The following NELL2 variants were observed in gnomAD, a reference collection of about 807,000 sequenced individuals.
NELL2 encodes protein kinase C-binding protein NELL2.
Under a neutral mutation model 109.6 loss-of-function variants are expected in NELL2, and 41 were observed. The ratio of observed to expected loss-of-function variants is 0.37; its 90% CI spans 0.29 to 0.49. The LOEUF (loss-of-function observed/expected upper bound fraction) is 0.49. Among genes scored for constraint, NELL2 ranks in the 20% least tolerant of loss-of-function variants. NELL2 has a pLI of 0.98. For missense variants in NELL2, 900 were observed against 1,008.3 expected (o/e 0.89, Z 1.45); for synonymous variants, 355 against 344.7 (o/e 1.03, Z -0.33).
At position 44,863,882 on chromosome 12, in the gene NELL2, A is replaced by G. The variant is rs1944912147; in HGVS notation, c.184+11343T>C. Among the ~76,000 whole-genome samples the G allele has an allele frequency of 3.3e-5, 5 of 152,210 alleles. No individual in the cohort carries two copies. In the South Asian group the frequency reaches 1.0e-3, roughly 31 times the overall value. On this transcript the variant is annotated intron_variant, in intron 2 of 19. Coordinates refer to ENST00000429094, the MANE Select transcript of NELL2 (RefSeq NM_001145108.2). ...TTTATGAAGGAATACATGATATAAA[A>G]AGATGCAAACGGTGCATTAAAAAAT...
At chr12:44,648,727 A>AT (rs1947184930) in intron 13 of NELL2, among the ~76,000 whole-genome samples, 1 of 101,836 alleles carries the variant, frequency 9.8e-6, no homozygotes, top group African/African-American at 5.4e-5. Context: ...ATATATATAT[A>AT]TATATTTTTT....
chr12:44,524,089 A>G (rs1941661656), intron 16 of NELL2, among the ~76,000 whole-genome samples: 1 of 152,170 alleles, frequency 6.6e-6, no homozygotes, highest in Non-Finnish European at 1.5e-5. Context: ...AGGGCAAATA[A>G]TAATCAGCAA....
chr12:44,813,363 TATG>T (rs1943240806), intron 3 of NELL2, among the ~76,000 whole-genome samples: 1 of 152,184 alleles, frequency 6.6e-6, no homozygotes, highest in African/African-American at 2.4e-5. Context: ...ATATCTCAAA[TATG>T]ATATTTGTTC....
chr12:44,876,947 G>T, upstream of NELL2: 1 of 1,192,512 alleles, frequency 8.4e-7, no homozygotes, highest in Non-Finnish European at 1.1e-6. Context: ...CCCCGGCGCG[G>T]AGAGCTTCCC....
intron 12 of NELL2, among the ~76,000 whole-genome samples, chr12:44,678,097 C>A (rs1334817575): frequency 6.6e-6 from 1 of 151,894 alleles, no homozygotes; most frequent in Non-Finnish European, 1.5e-5. Context: ...AAATGGATAC[C>A]TGGGGGACTT....
chr12:44,837,310 T>A (rs905513121), intron 2 of NELL2, among the ~76,000 whole-genome samples: 1 of 152,210 alleles, frequency 6.6e-6, no homozygotes, highest in African/African-American at 2.4e-5. Context: ...TCTGTGTATA[T>A]CACGTGATGT....
At chr12:44,563,537 G>T (rs766354484) in intron 15 of NELL2, among the ~76,000 whole-genome samples, 1 of 152,054 alleles carries the variant, frequency 6.6e-6, no homozygotes, top group East Asian at 1.9e-4. Context: ...GGGTGGCACC[G>T]CTTAGCTAAA....
In NELL2 at chr12:44,888,840, TAAAA is replaced by T. The variant is rs557017618; in HGVS notation, c.39-12944_39-12941del. 3.4e-5 allele frequency among the ~76,000 whole-genome samples: 5 copies of T among 148,748 alleles called. 1 individual carries two copies. In the South Asian group the frequency reaches 8.4e-4, roughly 25 times the overall value. On this transcript the variant is annotated intron_variant, in intron 1 of 20. Transcript: ENST00000333837. The stretch of plus-strand genomic sequence containing the variant: ...GAATCATGATACAACTGCCATAAAA[TAAAA>T]AAAAAATAAATAAATAAATAAGAGA...
rs1487789401 is a variant in NELL2 at position 44,728,088 on chromosome 12, C to T, written c.995-13347G>A. Among the ~76,000 whole-genome samples, 2 of 151,518 alleles carry T rather than the reference C, an allele frequency of 1.3e-5. 1 individual carries two copies. Among genetic ancestry groups the T allele is most frequent in the Non-Finnish European group, 2.9e-5 (2 of 67,808 alleles). ...ATTATATGCCAGTCAGTGTGCTCAG[C>T]CTAATAAAAAAAATAAAAAATAAAC... is the stretch of plus-strand genomic sequence containing the variant. On this transcript the variant is annotated intron_variant, in intron 9 of 19. Transcript: ENST00000429094.
At chr12:44,555,306 T>C (rs2136172346) in intron 15 of NELL2, among the ~76,000 whole-genome samples, 1 of 152,294 alleles carries the variant, frequency 6.6e-6, no homozygotes, top group Non-Finnish European at 1.5e-5. Flanking sequence ...ATTATGCATC[T>C]CCTAAAATAA....
intron 15 of NELL2, among the ~76,000 whole-genome samples, chr12:44,551,613 T>A (rs1235721265): frequency 6.6e-6 from 1 of 152,144 alleles, no homozygotes; most frequent in Non-Finnish European, 1.5e-5. Flanking sequence ...TACCCTCAGT[T>A]CACACAGGCA....
chr12:44,660,644 A>G (rs1947709607), intron 13 of NELL2, among the ~76,000 whole-genome samples: 2 of 152,146 alleles, frequency 1.3e-5, no homozygotes, highest in African/African-American at 4.8e-5. Flanking sequence ...GGGCAAGAGA[A>G]TTTTCCATCC....
chr12:44,816,104 T>C lies in NELL2; in HGVS notation c.217A>G (p.Thr73Ala). ...AGCTTCTGAAAAAACTGTTCAGCTG[T>C]AGCAGTGGATGCTTTTATGCTTCTG... Reference protein sequence around the residue: ...TPRSIKASTATAEQFFQKLRN... With the variant: ...TPRSIKASTAAAEQFFQKLRN... Residue 73 changes from threonine (T) to alanine (A), a missense_variant, in exon 3 of 20, where the codon ACA (threonine) becomes GCA (alanine). Coordinates refer to ENST00000429094, the MANE Select transcript of NELL2 (RefSeq NM_001145108.2). The C allele has an allele frequency of 2.5e-6, 4 of 1,612,308 alleles. No individual in the cohort carries two copies. Among genetic ancestry groups the C allele is most frequent in the South Asian group, 2.2e-5 (2 of 90,566 alleles).
intron 13 of NELL2, among the ~76,000 whole-genome samples, chr12:44,613,887 A>G (rs1446726137): frequency 6.6e-6 from 1 of 152,054 alleles, no homozygotes; most frequent in East Asian, 1.9e-4. Flanking sequence ...TGAGGACTCC[A>G]CCATCAAATC....
intron 9 of NELL2, among the ~76,000 whole-genome samples, chr12:44,753,000 C>T (rs778591443): frequency 1.4e-4 from 22 of 152,128 alleles, no homozygotes; most frequent in Non-Finnish European, 2.8e-4. Context: ...TCTCCCACCA[C>T]GACCCTTGGA....
chr12:44,578,600 T>C (rs1006827229), intron 15 of NELL2, among the ~76,000 whole-genome samples: 2 of 149,580 alleles, frequency 1.3e-5, no homozygotes, highest in Non-Finnish European at 3.0e-5. Flanking sequence ...CTTTGCATAC[T>C]CCTCAAATCT....
At chr12:44,688,696 C>G (rs1266368997) in intron 12 of NELL2, among the ~76,000 whole-genome samples, 1 of 152,190 alleles carries the variant, frequency 6.6e-6, no homozygotes, top group Non-Finnish European at 1.5e-5. Context: ...TTGATCCATA[C>G]AAATCCTTTA....
intron 3 of NELL2, among the ~76,000 whole-genome samples, chr12:44,786,895 G>A (rs1942197496): frequency 6.6e-6 from 1 of 152,050 alleles, no homozygotes; most frequent in South Asian, 2.1e-4. Flanking sequence ...GGCAAGATGA[G>A]GGAGAGCATT....
intron 12 of NELL2, among the ~76,000 whole-genome samples, chr12:44,669,492 A>C (rs550778531): frequency 6.6e-6 from 1 of 152,314 alleles, no homozygotes; most frequent in Admixed American, 6.5e-5. Context: ...AACAATACAA[A>C]GAAATCAGGG....
Sources: gnomAD v4.1 joint callset for allele counts (sites outside exome capture counted in the v4.1 genomes callset) on GRCh38, gnomAD v4.1.1 for gene constraint, MANE v1.5 for transcripts, NCBI Gene and HGNC (gene_info 2026-07-23, HGNC 2026-07-21) for gene names.